GCSAML: variants seen among roughly 807,000 people sequenced by gnomAD.
The protein encoded by GCSAML is germinal center associated signaling and motility like, also known as germinal center-associated signaling and motility-like protein.
Under a neutral mutation model 13.0 loss-of-function variants are expected in GCSAML, and 9 were observed. That is an observed-to-expected ratio of 0.69 (90% CI 0.42 to 1.21). GCSAML has a LOEUF of 1.21. GCSAML is among the 50% of genes most tolerant of loss of function. GCSAML has a pLI of 0.00. For missense variants in GCSAML, 143 were observed against 153.4 expected (o/e 0.93, Z 0.36); for synonymous variants, 37 against 52.9 (o/e 0.70, Z 1.31).
At chr1:247,562,610 A>C (rs1010261745) in intron 2 of GCSAML, among the ~76,000 whole-genome samples, 2 of 152,066 alleles carry the variant, frequency 1.3e-5, no homozygotes, top group African/African-American at 4.8e-5. Flanking sequence ...ACATCTCTCT[A>C]CTGTGTACCT....
intron 2 of GCSAML, among the ~76,000 whole-genome samples, chr1:247,538,981 A>C (rs190317367): frequency 6.6e-6 from 1 of 152,150 alleles, no homozygotes; most frequent in African/African-American, 2.4e-5. Flanking sequence ...TGAGAACTCT[A>C]TTCTTCCATT....
Position 247,516,584 on chromosome 1 carries a change from C to A in GCSAML, c.-263+9351C>A, listed in dbSNP as rs900504518. Among the ~76,000 whole-genome samples the A allele has an allele frequency of 2.8e-5, 4 of 140,632 alleles. No individual in the cohort carries two copies. The East Asian group carries it at 6.4e-4, about 22-fold the overall frequency. The allele number at this position is 140,632 out of a possible 152,430, so 92.3% of individuals were successfully genotyped here. A position where few individuals can be genotyped will look rare whatever the true frequency, so the allele number is the denominator to read the frequency against. ...TTTTTTTTTTTTTTAAACTCCAGAT[C>A]TAACTGCACTTTATATATGGCTGGT... On this transcript the variant is annotated intron_variant, in intron 1 of 5. Coordinates refer to the GCSAML transcript ENST00000366489.
chr1:247,546,194 C>T (rs531657441), upstream of GCSAML, among the ~76,000 whole-genome samples: 1 of 152,096 alleles, frequency 6.6e-6, no homozygotes, highest in South Asian at 2.1e-4. Flanking sequence ...GACGGTTTCG[C>T]TCTGTTGCTC....
At chr1:247,507,666 T>C (rs972488298) in intron 1 of GCSAML, among the ~76,000 whole-genome samples, 2 of 152,094 alleles carry the variant, frequency 1.3e-5, no homozygotes, top group Non-Finnish European at 2.9e-5. Context: ...ATGCTATCCC[T>C]CTCCTAGCCC....
chr1:247,534,677 A>G (rs535727616), intron 2 of GCSAML, among the ~76,000 whole-genome samples: 1 of 152,204 alleles, frequency 6.6e-6, no homozygotes, highest in Non-Finnish European at 1.5e-5. Flanking sequence ...CACCCAGATT[A>G]GGGGAACAGA....
At chr1:247,529,110 A>T (rs927169723) in intron 2 of GCSAML, 8 of 152,234 alleles carry the variant, frequency 5.3e-5, no homozygotes, top group African/African-American at 1.9e-4. Context: ...TGGCTGGACT[A>T]GTAGCATAGT....
At chr1:247,550,608 G>A (rs1355470078) in intron 1 of GCSAML, among the ~76,000 whole-genome samples, 5 of 152,010 alleles carry the variant, frequency 3.3e-5, no homozygotes, top group Non-Finnish European at 7.4e-5. Flanking sequence ...CTGCACTCCA[G>A]CCTGGGCGAC....
chr1:247,568,174 T>G (rs1040510921), intron 4 of GCSAML, among the ~76,000 whole-genome samples: 1 of 152,238 alleles, frequency 6.6e-6, no homozygotes, highest in Non-Finnish European at 1.5e-5. Context: ...AGCCCTTTAG[T>G]TTAATTTGAT....
chr1:247,512,911 A>G (rs906768908), intron 1 of GCSAML, among the ~76,000 whole-genome samples: 1 of 152,120 alleles, frequency 6.6e-6, no homozygotes, highest in Non-Finnish European at 1.5e-5. Flanking sequence ...CACCCACCAG[A>G]TGCAGCTGGG....
intron 2 of GCSAML, among the ~76,000 whole-genome samples, chr1:247,559,874 A>G (rs1228480819): frequency 6.6e-6 from 1 of 152,190 alleles, no homozygotes; most frequent in Non-Finnish European, 1.5e-5. Flanking sequence ...ATACTGAAAT[A>G]AGGCCCAATC....
At chr1:247,561,197 A>G (rs946461490) in intron 2 of GCSAML, among the ~76,000 whole-genome samples, 1 of 152,112 alleles carries the variant, frequency 6.6e-6, no homozygotes, top group Non-Finnish European at 1.5e-5. Context: ...CAAGTGATCC[A>G]TCTGCCTTTG....
At chr1:247,520,392 G>A (rs1666370485) in intron 1 of GCSAML, among the ~76,000 whole-genome samples, 1 of 152,200 alleles carries the variant, frequency 6.6e-6, no homozygotes, top group African/African-American at 2.4e-5. Flanking sequence ...GGAAGGAGGA[G>A]TTCTTACATC....
At chr1:247,517,715 T>G (rs1391887789) in intron 1 of GCSAML, among the ~76,000 whole-genome samples, 2 of 152,178 alleles carry the variant, frequency 1.3e-5, no homozygotes, top group Admixed American at 6.5e-5. Context: ...TGCCCTTCAG[T>G]GCTAGATAAC....
chr1:247,519,693 A>G (rs1666348777), intron 1 of GCSAML, among the ~76,000 whole-genome samples: 1 of 152,172 alleles, frequency 6.6e-6, no homozygotes, highest in Non-Finnish European at 1.5e-5. Flanking sequence ...AGTTGTGTAT[A>G]TGTGTGTGTG....
intron 1 of GCSAML, among the ~76,000 whole-genome samples, chr1:247,507,978 T>C (rs773699069): frequency 2.0e-5 from 3 of 152,214 alleles, no homozygotes; most frequent in Non-Finnish European, 4.4e-5. Flanking sequence ...TAAACATACG[T>C]GTGCATGTGT....
At chr1:247,538,734 C>T (rs1230783266) in intron 2 of GCSAML, 5 of 456,312 alleles carry the variant, frequency 1.1e-5, no homozygotes, top group Admixed American at 4.7e-5. Flanking sequence ...GGAAGGGAAG[C>T]GTCATCAGAA....
intron 4 of GCSAML, 66 bp from the exon 5 acceptor site, chr1:247,574,077 A>G (rs768814722): frequency 1.3e-6 from 2 of 1,575,046 alleles, no homozygotes; most frequent in Non-Finnish European, 1.7e-6. Context: ...AAGGGAAGGT[A>G]GTACACTGAG....
intron 1 of GCSAML, among the ~76,000 whole-genome samples, chr1:247,517,653 G>A (rs1021425207): frequency 6.6e-6 from 1 of 152,110 alleles, no homozygotes; most frequent in African/African-American, 2.4e-5. Flanking sequence ...GAGTGCTACT[G>A]AGAAAAAAGT....
chr1:247,547,115 A>G (rs984690881), upstream of GCSAML, among the ~76,000 whole-genome samples: 1 of 138,948 alleles, frequency 7.2e-6, no homozygotes, highest in East Asian at 1.9e-4. Context: ...AGACAAAAAC[A>G]AACAAACAAA....
Sources: gnomAD v4.1 joint callset for allele counts (sites outside exome capture counted in the v4.1 genomes callset) on GRCh38, gnomAD v4.1.1 for gene constraint, MANE v1.5 for transcripts, NCBI Gene and HGNC (gene_info 2026-07-23, HGNC 2026-07-21) for gene names.